Variants in ALG9 observed in about 807,000 individuals in gnomAD.
The protein encoded by ALG9 is alpha-1,2-mannosyltransferase ALG9.
Under a neutral mutation model 81.8 loss-of-function variants are expected in ALG9, and 55 were observed. The ratio of observed to expected loss-of-function variants is 0.67; its 90% confidence interval spans 0.54 to 0.84. The LOEUF is 0.84. ALG9 is among the 40% of genes least tolerant of loss of function. ALG9 has a pLI of 0.00. For missense variants in ALG9, 629 were observed against 745.0 expected (o/e 0.84, Z 1.81); for synonymous variants, 278 against 274.3 (o/e 1.01, Z -0.13).
intron 2 of ALG9, among the ~76,000 whole-genome samples, chr11:111,869,526 T>C (rs1329823307): frequency 6.6e-6 from 1 of 152,218 alleles, no homozygotes; most frequent in Non-Finnish European, 1.5e-5. Context: ...AGAAAGCTAC[T>C]GTTTTTCCTT....
At chr11:111,795,613 T>C (rs1389269720) in intron 14 of ALG9, among the ~76,000 whole-genome samples, 2 of 152,250 alleles carry the variant, frequency 1.3e-5, no homozygotes, top group African/African-American at 4.8e-5. Context: ...TAAATATTCA[T>C]GATTTTGACT....
the ALG9 span, among the ~76,000 whole-genome samples, chr11:111,775,796 T>C: frequency 6.6e-6 from 1 of 152,126 alleles, no homozygotes; most frequent in African/African-American, 2.4e-5. Context: ...CCGTCTAGGT[T>C]CCCCCAACAT....
At chr11:111,792,239 T>C (rs191735895) in intron 14 of ALG9, among the ~76,000 whole-genome samples, 96 of 152,384 alleles carry the variant, frequency 6.3e-4, no homozygotes, top group African/African-American at 2.2e-3. Context: ...TAGTTTATTA[T>C]CTGCCCTCCC....
chr11:111,870,700 G>T, intron 1 of ALG9: 1 of 999,300 alleles, frequency 1.0e-6, no homozygotes, highest in Non-Finnish European at 1.2e-6. Flanking sequence ...TGCTTTTAAG[G>T]CATAAATTAA....
At chr11:111,796,581 G>A (rs2136273461) in intron 14 of ALG9, among the ~76,000 whole-genome samples, 1 of 152,274 alleles carries the variant, frequency 6.6e-6, no homozygotes, top group East Asian at 1.9e-4. Flanking sequence ...CTGAATAATG[G>A]CAAAACACCA....
At chr11:111,860,798 C>T (rs1959809221) in intron 4 of ALG9, among the ~76,000 whole-genome samples, 163 bp from the exon 5 acceptor site, 1 of 152,216 alleles carries the variant, frequency 6.6e-6, no homozygotes, top group Non-Finnish European at 1.5e-5. Flanking sequence ...GAAACCCAAA[C>T]ATTCTTATTT....
chr11:111,868,795 G>C, intron 2 of ALG9, 59 bp from the exon 3 acceptor site: 1 of 1,472,916 alleles, frequency 6.8e-7, no homozygotes, highest in Non-Finnish European at 9.1e-7. Flanking sequence ...CTGTTAAGCA[G>C]ATGCAAGTGA....
intron 13 of ALG9, among the ~76,000 whole-genome samples, chr11:111,811,880 G>A (rs977849580): frequency 4.6e-5 from 7 of 152,054 alleles, no homozygotes; most frequent in African/African-American, 1.7e-4. Context: ...GGTTTTTTTG[G>A]GGGGGAGGCA....
At chr11:111,867,487 G>A (rs971731547) in intron 3 of ALG9, among the ~76,000 whole-genome samples, 5 of 152,092 alleles carry the variant, frequency 3.3e-5, no homozygotes, top group Non-Finnish European at 7.4e-5. Flanking sequence ...GAAGGTCTCA[G>A]TAAAAAAAAT....
At chr11:111,831,302 A>G (rs1290039679) in intron 13 of ALG9, among the ~76,000 whole-genome samples, 1 of 152,074 alleles carries the variant, frequency 6.6e-6, no homozygotes, top group Non-Finnish European at 1.5e-5. Flanking sequence ...CGGCCTCCCA[A>G]AGTGCTGAGA....
intron 14 of ALG9, among the ~76,000 whole-genome samples, chr11:111,790,622 A>G (rs117261274): frequency 2.6e-5 from 4 of 152,348 alleles, no homozygotes; most frequent in Non-Finnish European, 5.9e-5. Flanking sequence ...TTGCATCTAG[A>G]CTATATAAAC....
intron 8 of ALG9, among the ~76,000 whole-genome samples, chr11:111,846,663 AAAGTG>A (rs1159170462): frequency 6.6e-6 from 1 of 152,232 alleles, no homozygotes; most frequent in Admixed American, 6.5e-5. Context: ...GGATAAGCCA[AAAGTG>A]AAGAAGGTTC....
Position 111,789,345 on chromosome 11 carries a change from G to A in ALG9, c.1734-2825C>T, listed in dbSNP as rs906400014. 5.3e-5 allele frequency among the ~76,000 whole-genome samples: 8 copies of A among 152,038 alleles called. No individual in the cohort carries two copies. The South Asian group carries it at 1.0e-3, about 20-fold the overall frequency. On this transcript the variant is annotated intron_variant, in intron 14 of 14. Coordinates refer to ENST00000616540, the MANE Select transcript of ALG9 (RefSeq NM_024740.2). ...TAGTTCACTGCAGCCTTCACCTCCT[G>A]AGCTCAAGCAATCCTCCCACCTCAG...
In ALG9 at chr11:111,809,760, T is replaced by A; in HGVS notation, c.1616A>T (p.Lys539Ile). 1 of 1,614,030 alleles carries A rather than the reference T, an allele frequency of 6.2e-7. No homozygotes were observed. Among genetic ancestry groups the A allele is most frequent in the Non-Finnish European group, 8.5e-7 (1 of 1,179,914 alleles). The change falls in exon 14 of 15, where the codon AAA becomes ATA. Residue 539 changes from lysine to isoleucine, a missense_variant. Physicochemically the swap from Lys to Ile is moderately radical, Grantham distance 102. Coordinates refer to ENST00000616540, the MANE Select transcript of ALG9 (RefSeq NM_024740.2). ...EEPSRYIDIS[K>I]CHYLVDLDTM... ...GTCCAAATCCACTAAATAATGGCATTTACTGATATCAATCTGAAATGGAGA... is the reference window on the plus strand; with the variant it reads ...GTCCAAATCCACTAAATAATGGCATATACTGATATCAATCTGAAATGGAGA...
chr11:111,768,842 CGTGTGT>C, the ALG9 span: 3 of 143,096 alleles, frequency 2.1e-5, no homozygotes, highest in Non-Finnish European at 3.0e-5. Flanking sequence ...TGTGTGTGTG[CGTGTGT>C]GTGTGTGTGT....
At chr11:111,788,646 G>A (rs1306897009) in intron 14 of ALG9, 1 of 365,308 alleles carries the variant, frequency 2.7e-6, no homozygotes, top group East Asian at 7.5e-5. Context: ...TCTGAAGTCT[G>A]AGCTGGTAGT....
intron 5 of ALG9, among the ~76,000 whole-genome samples, chr11:111,860,290 G>A (rs1204347578): frequency 1.3e-5 from 2 of 152,100 alleles, no homozygotes; most frequent in Admixed American, 6.5e-5. Flanking sequence ...TTTCATCTAC[G>A]TTTCAATGTC....
At chr11:111,831,027 TA>T (rs1281564625) in intron 13 of ALG9, among the ~76,000 whole-genome samples, 1 of 151,860 alleles carries the variant, frequency 6.6e-6, no homozygotes. Context: ...AAAAATTAGC[TA>T]GGGGTAGTGG....
chr11:111,833,709 A>T (rs782442140), intron 13 of ALG9, among the ~76,000 whole-genome samples: 15 of 152,220 alleles, frequency 9.9e-5, no homozygotes, highest in Admixed American at 7.2e-4. Flanking sequence ...CACAGCTGCT[A>T]CCCAGCAGAC....
Sources: gnomAD v4.1 joint callset for allele counts (sites outside exome capture counted in the v4.1 genomes callset) on GRCh38, gnomAD v4.1.1 for gene constraint, MANE v1.5 for transcripts, NCBI Gene and HGNC (gene_info 2026-07-23, HGNC 2026-07-21) for gene names.